NBAS: variants seen among roughly 807,000 people sequenced by gnomAD.
NBAS encodes the protein NAG/BC035112 fusion.
A neutral mutation model predicts 302.5 loss-of-function variants in NBAS; 219 were observed. That is an observed-to-expected ratio of 0.72 (90% CI 0.65 to 0.81). The LOEUF (loss-of-function observed/expected upper bound fraction) is 0.81, where lower values mean the gene tolerates loss of function less well. Ranked by LOEUF, NBAS falls within the 30% of genes least tolerant of loss-of-function variation. The pLI is 0.00. For missense variants in NBAS, 2,932 were observed against 2,841.6 expected, an observed-to-expected ratio of 1.03 and a Z score of -0.72; for synonymous variants, 1,118 against 1,021.6, an observed-to-expected ratio of 1.09 and a Z score of -1.80.
At chr2:15,474,489 T>C (rs913428672) in intron 14 of NBAS, among the ~76,000 whole-genome samples, 165 bp from the exon 15 acceptor site, 2 of 152,170 alleles carry the variant, frequency 1.3e-5, no homozygotes, top group African/African-American at 2.4e-5. Context: ...CAGCAAGCAT[T>C]ATATACATCA....
intron 9 of NBAS, among the ~76,000 whole-genome samples, chr2:15,520,317 G>A (rs966906599): frequency 2.6e-5 from 4 of 152,076 alleles, no homozygotes; most frequent in East Asian, 1.9e-4. Context: ...AGGGAGGATC[G>A]CTTGAGCCCA....
chr2:15,091,502 G>GT, the NBAS span, among the ~76,000 whole-genome samples: 3 of 150,938 alleles, frequency 2.0e-5, no homozygotes, highest in East Asian at 1.9e-4. Flanking sequence ...TTGCTTTGTT[G>GT]TTTTTTCTTT....
At chr2:15,396,517 G>A (rs757128675) in intron 26 of NBAS, 42 bp from the exon 27 acceptor site, 3 of 1,360,500 alleles carry the variant, frequency 2.2e-6, no homozygotes, top group African/African-American at 1.5e-5. Flanking sequence ...CTTAAGTTTA[G>A]TATTAGCTTT....
At chr2:15,298,613 C>A (rs920808714) in intron 40 of NBAS, among the ~76,000 whole-genome samples, 11 of 152,280 alleles carry the variant, frequency 7.2e-5, no homozygotes, top group East Asian at 3.9e-4. Context: ...AGAAATTTTA[C>A]TGGTTATGAT....
intron 44 of NBAS, among the ~76,000 whole-genome samples, chr2:15,248,745 C>CCCT (rs1157710353): frequency 3.3e-5 from 5 of 152,250 alleles, no homozygotes; most frequent in African/African-American, 1.2e-4. Flanking sequence ...GACACATACA[C>CCCT]CCTCCCAAGA....
intron 26 of NBAS, among the ~76,000 whole-genome samples, chr2:15,398,550 G>GT (rs1675990841): frequency 6.6e-6 from 1 of 152,100 alleles, no homozygotes; most frequent in Non-Finnish European, 1.5e-5. Flanking sequence ...AATGAGTAAA[G>GT]TTTTTTTAGC....
At chr2:15,441,959 AT>A (rs1382431865) in intron 21 of NBAS, among the ~76,000 whole-genome samples, 4 of 148,442 alleles carry the variant, frequency 2.7e-5, no homozygotes, top group Non-Finnish European at 6.0e-5. Flanking sequence ...AGAGCTAACT[AT>A]CCTAAATATA....
chr2:15,084,460 G>A, the NBAS span, among the ~76,000 whole-genome samples: 412 of 152,304 alleles, frequency 2.7e-3, 1 homozygote, highest in African/African-American at 9.4e-3. Flanking sequence ...CATTCAAGTG[G>A]TTTATTCCCA....
intron 51 of NBAS, among the ~76,000 whole-genome samples, chr2:15,168,845 T>C (rs1664155437): frequency 6.6e-6 from 1 of 152,264 alleles, no homozygotes; most frequent in African/African-American, 2.4e-5. Context: ...GTCAGGCTGG[T>C]CTCGAACTCC....
the NBAS span, among the ~76,000 whole-genome samples, chr2:14,835,276 C>G: frequency 6.6e-6 from 1 of 151,916 alleles, no homozygotes; most frequent in African/African-American, 2.4e-5. Flanking sequence ...GTCAGAAGCT[C>G]AGGAAAGTGA....
chr2:15,301,113 G>A (rs553705279), intron 40 of NBAS, among the ~76,000 whole-genome samples: 16 of 152,194 alleles, frequency 1.1e-4, no homozygotes, highest in African/African-American at 2.4e-4. Flanking sequence ...GGAATTACCC[G>A]TTAAGTTTGC....
chr2:15,484,266 G>A, intron 12 of NBAS, among the ~76,000 whole-genome samples: 1 of 152,222 alleles, frequency 6.6e-6, no homozygotes, highest in East Asian at 1.9e-4. Flanking sequence ...TCATATGCTA[G>A]TCTCTGATTT....
chr2:15,397,463 G>T, intron 26 of NBAS: 1 of 496,666 alleles, frequency 2.0e-6, no homozygotes, highest in Admixed American at 2.4e-5. Context: ...GGGTTGTGGG[G>T]CAGCACCCGC....
At chr2:15,543,442 AATC>A (rs897775425) in intron 6 of NBAS, among the ~76,000 whole-genome samples, 61 of 152,312 alleles carry the variant, frequency 4.0e-4, no homozygotes, top group African/African-American at 1.4e-3. Context: ...TACGCCAAAT[AATC>A]ATACATTTGT....
the NBAS span, among the ~76,000 whole-genome samples, chr2:15,085,028 T>A: frequency 6.6e-6 from 1 of 152,002 alleles, no homozygotes; most frequent in African/African-American, 2.4e-5. Flanking sequence ...GCGCCCCACC[T>A]CCTCTCCGCA....
chr2:15,149,776 A>C, the NBAS span, among the ~76,000 whole-genome samples: 6 of 152,254 alleles, frequency 3.9e-5, no homozygotes, highest in African/African-American at 1.4e-4. Flanking sequence ...TCCTATTTTG[A>C]TCAAGGGTTT....
intron 50 of NBAS, among the ~76,000 whole-genome samples, chr2:15,185,249 A>G (rs1665021264): frequency 6.6e-6 from 1 of 152,184 alleles, no homozygotes; most frequent in Non-Finnish European, 1.5e-5. Context: ...AAGGTGGTGA[A>G]GGTTAAAGGA....
chr2:15,473,970 T>C, intron 15 of NBAS, 97 bp downstream of exon 15: 1 of 1,450,262 alleles, frequency 6.9e-7, no homozygotes, highest in Non-Finnish European at 9.6e-7. Flanking sequence ...CCAACATCCC[T>C]CTTGAAATTT....
chr2:15,352,563 T>C (rs549766247), intron 34 of NBAS, among the ~76,000 whole-genome samples: 45 of 152,288 alleles, frequency 3.0e-4, no homozygotes, highest in Middle Eastern at 3.4e-3. Flanking sequence ...TCCTGGCACG[T>C]TGCCAGGTTC....
Sources: allele counts gnomAD v4.1 joint callset (sites outside exome capture counted in the v4.1 genomes callset), GRCh38; gene constraint gnomAD v4.1.1; transcripts MANE v1.5; gene names NCBI Gene and HGNC (gene_info 2026-07-23, HGNC 2026-07-21).